Variants in AP3S1 observed in about 807,000 individuals in gnomAD.
The protein encoded by AP3S1 is AP-3 complex subunit sigma-1.
Under a neutral mutation model 21.3 loss-of-function variants are expected in AP3S1, and 12 were observed. The observed-to-expected ratio is 0.56, with a 90% confidence interval of 0.36 to 0.91. AP3S1 has a LOEUF of 0.91. AP3S1 is among the 40% of genes least tolerant of loss of function. The probability of loss-of-function intolerance (pLI) is 0.01; values close to 1 mark genes in which losing one functional copy is unlikely to be tolerated. For missense variants in AP3S1, 116 were observed against 225.0 expected (o/e 0.52, Z 3.10); for synonymous variants, 48 against 78.4 (o/e 0.61, Z 2.05).
In AP3S1 at chr5:115,908,900, T is replaced by G. The variant is rs996994521; in HGVS notation, c.454-4462T>G. 9 of 783,072 alleles carry G rather than the reference T, an allele frequency of 1.1e-5. No homozygotes were observed. In the Admixed American group the frequency reaches 1.9e-4, roughly 16 times the overall value. 48.5% of individuals were successfully genotyped at this position (783,072 alleles called of 1,614,324 possible). On this transcript the variant is annotated intron_variant, in intron 5 of 5. Transcript: ENST00000316788. The stretch of plus-strand genomic sequence containing the variant: ...AAAAACATGCTTTCAAAATCTGCCA[T>G]TATTTTGTTAATGATTTTGAGTCTG...
At chr5:115,872,401 G>A (rs1040410832) in intron 3 of AP3S1, among the ~76,000 whole-genome samples, 1 of 152,128 alleles carries the variant, frequency 6.6e-6, no homozygotes, top group Non-Finnish European at 1.5e-5. Flanking sequence ...TTTTTGGGAG[G>A]AGCTGGGTAT....
At chr5:115,902,346 T>C (rs768139672) in intron 4 of AP3S1, among the ~76,000 whole-genome samples, 3 of 152,172 alleles carry the variant, frequency 2.0e-5, no homozygotes, top group Non-Finnish European at 2.9e-5. Context: ...GAATATTACA[T>C]GTGTAGAGGA....
chr5:115,899,487 T>C (rs1175759247), intron 4 of AP3S1, among the ~76,000 whole-genome samples: 4 of 152,204 alleles, frequency 2.6e-5, no homozygotes, highest in African/African-American at 7.2e-5. Context: ...GGGGTCTTGC[T>C]GTGTTGCCCA....
chr5:115,843,173 TTG>T (rs1478139087), intron 1 of AP3S1, among the ~76,000 whole-genome samples: 1 of 152,242 alleles, frequency 6.6e-6, no homozygotes, highest in Non-Finnish European at 1.5e-5. Flanking sequence ...GGTATAACTG[TTG>T]TGTGGTATTG....
At chr5:115,859,259 T>C (rs1300621787) in intron 1 of AP3S1, among the ~76,000 whole-genome samples, 2 of 152,166 alleles carry the variant, frequency 1.3e-5, no homozygotes, top group Non-Finnish European at 2.9e-5. Context: ...GTAATACAAG[T>C]TTGTTTCTCA....
intron 3 of AP3S1, among the ~76,000 whole-genome samples, chr5:115,878,208 G>T (rs1041487545): frequency 6.6e-6 from 1 of 152,144 alleles, no homozygotes; most frequent in Non-Finnish European, 1.5e-5. Context: ...AGTTTAATTA[G>T]ATCCCATTTG....
At chr5:115,850,198 A>G (rs1287428472) in intron 1 of AP3S1, among the ~76,000 whole-genome samples, 1 of 152,142 alleles carries the variant, frequency 6.6e-6, no homozygotes, top group East Asian at 1.9e-4. Context: ...TCAGGAGGAA[A>G]GGGCTATCTT....
chr5:115,852,121 A>G (rs909402752), intron 1 of AP3S1, among the ~76,000 whole-genome samples: 22 of 152,176 alleles, frequency 1.4e-4, no homozygotes, highest in Non-Finnish European at 2.1e-4. Context: ...TCATAGGACT[A>G]TAGAACACAC....
intron 5 of AP3S1, among the ~76,000 whole-genome samples, chr5:115,906,134 C>T (rs1751633732): frequency 1.3e-5 from 2 of 152,112 alleles, no homozygotes; most frequent in Admixed American, 6.6e-5. Flanking sequence ...CTCCAGCCTG[C>T]GTGACAGAGT....
intron 3 of AP3S1, among the ~76,000 whole-genome samples, chr5:115,884,087 C>A (rs1330183802): frequency 6.6e-6 from 1 of 152,104 alleles, no homozygotes; most frequent in East Asian, 1.9e-4. Context: ...CCATGTTTAT[C>A]ACTTTGCACA....
At chr5:115,855,023 C>G (rs975821056) in intron 1 of AP3S1, among the ~76,000 whole-genome samples, 15 of 124,180 alleles carry the variant, frequency 1.2e-4, no homozygotes, top group African/African-American at 4.6e-4. Context: ...TATTTTATAT[C>G]TATCTATCTA....
intron 5 of AP3S1, among the ~76,000 whole-genome samples, chr5:115,908,357 T>A (rs1028349076): frequency 3.0e-4 from 45 of 152,130 alleles, no homozygotes; most frequent in African/African-American, 8.7e-4. Context: ...TGGCCTTTTT[T>A]AAAAAAAATC....
intron 1 of AP3S1, among the ~76,000 whole-genome samples, chr5:115,853,188 C>G (rs1299062362): frequency 1.3e-5 from 2 of 152,102 alleles, no homozygotes; most frequent in African/African-American, 4.8e-5. Flanking sequence ...CAAGTAGTAT[C>G]TTATTGTGAT....
chr5:115,843,927 C>T (rs1580596460), intron 1 of AP3S1, among the ~76,000 whole-genome samples: 1 of 152,300 alleles, frequency 6.6e-6, no homozygotes, highest in East Asian at 1.9e-4. Context: ...GCAGGAGTGG[C>T]AGCTCTGGTG....
intron 1 of AP3S1, among the ~76,000 whole-genome samples, chr5:115,858,101 T>C (rs1169529669): frequency 6.6e-6 from 1 of 152,298 alleles, no homozygotes; most frequent in East Asian, 1.9e-4. Flanking sequence ...GGGATCTTTA[T>C]TATTTTAGGG....
At chr5:115,842,930 G>A (rs1353299127) in intron 1 of AP3S1, among the ~76,000 whole-genome samples, 3 of 152,152 alleles carry the variant, frequency 2.0e-5, no homozygotes, top group African/African-American at 4.8e-5. Flanking sequence ...ATGGGAATTT[G>A]CCCTCATTTA....
chr5:115,869,152 G>A (rs1238023650), intron 2 of AP3S1, among the ~76,000 whole-genome samples: 1 of 151,946 alleles, frequency 6.6e-6, no homozygotes, highest in Non-Finnish European at 1.5e-5. Context: ...AAATATGTTT[G>A]GAATGATTCC....
chr5:115,868,708 C>G (rs1016056788), intron 2 of AP3S1, among the ~76,000 whole-genome samples: 1 of 151,664 alleles, frequency 6.6e-6, no homozygotes, highest in Admixed American at 6.6e-5. Flanking sequence ...ATGGTGAAAC[C>G]CCATCTCTAC....
intron 5 of AP3S1, among the ~76,000 whole-genome samples, chr5:115,908,712 G>C (rs1244405167): frequency 6.6e-6 from 1 of 152,026 alleles, no homozygotes; most frequent in African/African-American, 2.4e-5. Context: ...AAACACCATA[G>C]TTATTGCTGT....
Sources: allele counts gnomAD v4.1 joint callset (sites outside exome capture counted in the v4.1 genomes callset), GRCh38; gene constraint gnomAD v4.1.1; transcripts MANE v1.5; gene names NCBI Gene and HGNC (gene_info 2026-07-23, HGNC 2026-07-21).